XPR1: variants seen among roughly 807,000 people sequenced by gnomAD.
XPR1 encodes the protein solute carrier family 53 member 1.
XPR1 carries 28 observed loss-of-function variants against 87.5 expected under a neutral mutation model. The ratio of observed to expected loss-of-function variants is 0.32; its 90% CI spans 0.24 to 0.44. The LOEUF (loss-of-function observed/expected upper bound fraction) is 0.44, where lower values mean the gene tolerates loss of function less well. Ranked by LOEUF, XPR1 falls within the 20% of genes least tolerant of loss-of-function variation. The pLI, the probability that XPR1 is intolerant of heterozygous loss-of-function variation, is 1.00. For missense variants in XPR1, 559 were observed against 862.3 expected (o/e 0.65, Z 4.41); for synonymous variants, 300 against 306.1 (o/e 0.98, Z 0.21).
chr1:180,709,125 T>C (rs1657666640), intron 2 of XPR1, among the ~76,000 whole-genome samples: 1 of 152,172 alleles, frequency 6.6e-6, no homozygotes, highest in Non-Finnish European at 1.5e-5. Flanking sequence ...TTGGCCAGGC[T>C]GGTCTCAAAC....
At chr1:180,801,688 G>C (rs1489289856) in intron 3 of XPR1, among the ~76,000 whole-genome samples, 1 of 151,958 alleles carries the variant, frequency 6.6e-6, no homozygotes. Flanking sequence ...GATAAAGCAA[G>C]GAATAGGAGA....
At chr1:180,768,090 C>T (rs1034045269) in intron 2 of XPR1, among the ~76,000 whole-genome samples, 1 of 152,110 alleles carries the variant, frequency 6.6e-6, no homozygotes, top group African/African-American at 2.4e-5. Flanking sequence ...GTGATCCACC[C>T]GCCTCGGCCT....
intron 11 of XPR1, among the ~76,000 whole-genome samples, chr1:180,851,878 G>T (rs1461311724): frequency 2.0e-5 from 3 of 151,798 alleles, no homozygotes; most frequent in Admixed American, 2.0e-4. Flanking sequence ...GGATCTATAT[G>T]GATAATAAAT....
Position 180,806,195 on chromosome 1 carries a change from T to G in XPR1, c.581T>G (p.Leu194Arg). The change falls in exon 5 of 15, where the codon CTT becomes CGT. Residue 194 changes from leucine to arginine, a missense_variant. Leu to Arg is a moderately radical substitution (Grantham distance 102). Transcript: ENST00000367590. ...PFYTCKKINQLISETEAVVTN... is the reference protein window; with the variant it reads ...PFYTCKKINQRISETEAVVTN... ...TATACATGCAAGAAAATCAACCAGC[T>G]TATCTCTGAAACTGAGGTACAATAA... 1 of 1,613,350 alleles carries G rather than the reference T, an allele frequency of 6.2e-7. No individual in the cohort carries two copies. Among genetic ancestry groups the G allele is most frequent in the Non-Finnish European group, 8.5e-7 (1 of 1,179,514 alleles).
intron 2 of XPR1, among the ~76,000 whole-genome samples, chr1:180,741,119 T>C (rs572125287): frequency 7.3e-5 from 5 of 68,036 alleles, no homozygotes; most frequent in Non-Finnish European, 1.3e-4. Context: ...GGTATCACTT[T>C]GTTAAATGTT....
At chr1:180,743,887 A>G (rs1191958677) in intron 2 of XPR1, among the ~76,000 whole-genome samples, 1 of 152,164 alleles carries the variant, frequency 6.6e-6, no homozygotes, top group Admixed American at 6.5e-5. Context: ...TTCTCTGGCT[A>G]CTTTCAAGAG....
At chr1:180,877,138 G>C (rs1343662372) in intron 13 of XPR1, among the ~76,000 whole-genome samples, 1 of 152,138 alleles carries the variant, frequency 6.6e-6, no homozygotes, top group Non-Finnish European at 1.5e-5. Context: ...CCTAGGAATA[G>C]GTTTAATTAA....
chr1:180,691,118 A>C (rs552465183), intron 2 of XPR1, among the ~76,000 whole-genome samples: 1 of 152,292 alleles, frequency 6.6e-6, no homozygotes, highest in South Asian at 2.1e-4. Flanking sequence ...ATACAAGATT[A>C]TAATTTTAAA....
intron 4 of XPR1, 110 bp downstream of exon 4, chr1:180,803,721 C>T: frequency 1.1e-6 from 1 of 880,244 alleles, no homozygotes; most frequent in Non-Finnish European, 1.7e-6. Context: ...AAGGAAAATC[C>T]TTAACATGTT....
chr1:180,744,650 C>CTTT (rs200044209), intron 2 of XPR1, among the ~76,000 whole-genome samples: 9 of 56,964 alleles, frequency 1.6e-4, no homozygotes, highest in African/African-American at 3.5e-4. Flanking sequence ...GGCACAATTT[C>CTTT]TTTCTTTTTT....
intron 2 of XPR1, among the ~76,000 whole-genome samples, chr1:180,718,669 A>ATTT (rs34441510): frequency 0.012 from 1,633 of 134,798 alleles, 36 homozygotes; most frequent in African/African-American, 0.043. Flanking sequence ...GAGCATCTGT[A>ATTT]TTTTTTTTTT....
At chr1:180,773,108 T>C (rs756334389) in intron 2 of XPR1, among the ~76,000 whole-genome samples, 24 of 152,236 alleles carry the variant, frequency 1.6e-4, no homozygotes, top group Non-Finnish European at 2.8e-4. Flanking sequence ...TCATTTAATG[T>C]GTTGAATATG....
rs766897329 is a variant in XPR1 at position 180,787,752 on chromosome 1, G to C, written c.122-1G>C. On this transcript the variant is annotated splice_acceptor_variant, in intron 2 of 14. Coordinates refer to ENST00000367590, the MANE Select transcript of XPR1 (RefSeq NM_004736.4). LOFTEE classifies it high-confidence loss of function. The stretch of plus-strand genomic sequence containing the variant: ...TTAAATATTGTTTTCCTGTCTTTCA[G>C]TTACAGATGAGGACACAGTAAAGAG... 4.4e-6 allele frequency: 7 copies of C among 1,580,998 alleles called. No individual in the cohort carries two copies. The highest frequency in any genetic ancestry group is 6.0e-6 in the Non-Finnish European group (7 of 1,166,004).
chr1:180,666,235 T>G (rs566379815), intron 1 of XPR1, among the ~76,000 whole-genome samples: 19 of 152,364 alleles, frequency 1.2e-4, no homozygotes, highest in Non-Finnish European at 2.2e-4. Flanking sequence ...GTCCTCTGGC[T>G]TTGTGCTTCT....
rs537545806 is a variant in XPR1 at position 180,873,804 on chromosome 1, C to T, written c.1670C>T (p.Ala557Val). The T allele has an allele frequency of 6.2e-7, 1 of 1,611,544 alleles. No homozygotes were observed. The highest frequency in any genetic ancestry group is 1.1e-5 in the South Asian group (1 of 90,172). ...LREEIVYPQK[A>V]YYYCAIIEDV... Reference sequence around the variant, plus strand: ...CTCAATTTCTTTATTATTTCTCAGGCCTACTACTACTGTGCCATAATAGAG... The same window carrying T: ...CTCAATTTCTTTATTATTTCTCAGGTCTACTACTACTGTGCCATAATAGAG... Residue 557 changes from alanine to valine, a missense_variant and splice_region_variant, in exon 13 of 15, where the codon GCC (alanine) becomes GTC (valine). Ala to Val is a moderately conservative substitution (Grantham distance 64). Transcript: ENST00000367590.
intron 2 of XPR1, among the ~76,000 whole-genome samples, chr1:180,779,386 A>C (rs1303730465): frequency 6.6e-6 from 1 of 152,210 alleles, no homozygotes; most frequent in Non-Finnish European, 1.5e-5. Flanking sequence ...CTGGCATCTA[A>C]TAGGTACAAT....
intron 11 of XPR1, among the ~76,000 whole-genome samples, chr1:180,844,178 T>C (rs969593162): frequency 2.0e-5 from 3 of 152,084 alleles, no homozygotes; most frequent in Non-Finnish European, 2.9e-5. Context: ...ACCATTGCAC[T>C]CCAGCCTGGG....
At chr1:180,702,587 G>GA (rs1396703130) in intron 2 of XPR1, among the ~76,000 whole-genome samples, 1 of 151,796 alleles carries the variant, frequency 6.6e-6, no homozygotes, top group Non-Finnish European at 1.5e-5. Context: ...TGAAGCTCTC[G>GA]ATTGTATCTT....
chr1:180,794,138 G>A (rs1309744468), intron 3 of XPR1, among the ~76,000 whole-genome samples: 1 of 152,172 alleles, frequency 6.6e-6, no homozygotes, highest in African/African-American at 2.4e-5. Flanking sequence ...AACATCATGT[G>A]TACTTACACA....
Sources: gnomAD v4.1 joint callset for allele counts (sites outside exome capture counted in the v4.1 genomes callset) on GRCh38, gnomAD v4.1.1 for gene constraint, MANE v1.5 for transcripts, NCBI Gene and HGNC (gene_info 2026-07-23, HGNC 2026-07-21) for gene names.